IFRD1: variants seen among roughly 807,000 people sequenced by gnomAD.
IFRD1 encodes the protein interferon related developmental regulator 1, also known as interferon-related developmental regulator 1.
In IFRD1, 35 loss-of-function variants were observed where a neutral mutation model predicts 52.9. The observed-to-expected ratio is 0.66, with a 90% CI of 0.51 to 0.88. The LOEUF is 0.88. Among genes scored for constraint, IFRD1 ranks in the 40% least tolerant of loss-of-function variants. The pLI, the probability that IFRD1 is intolerant of heterozygous loss-of-function variation, is 0.00. For missense variants in IFRD1, 517 were observed against 550.8 expected (o/e 0.94, Z 0.61); for synonymous variants, 184 against 188.4 (o/e 0.98, Z 0.19).
At position 112,462,098 on chromosome 7, in the gene IFRD1, T is replaced by A; in HGVS notation, c.716T>A (p.Val239Glu). 6.2e-7 allele frequency: 1 copy of A among 1,613,680 alleles called. No homozygotes were observed. The highest frequency in any genetic ancestry group is 1.3e-5 in the African/African-American group (1 of 75,030). ...GTTATTTGCAGCACTCCTAATACAG[T>A]GCTTCATATCAGCTCTCTTCTTGCA... ...TTVICSTPNT[V>E]LHISSLLAWT... The change falls in exon 7 of 12, where the codon GTG (valine) becomes GAG (glutamate). Residue 239 changes from valine (V) to glutamate (E), a missense_variant. Coordinates refer to ENST00000403825, the MANE Select transcript of IFRD1 (RefSeq NM_001550.4).
At chr7:112,475,107 T>C (rs903898004) in intron 11 of IFRD1, among the ~76,000 whole-genome samples, 1 of 151,800 alleles carries the variant, frequency 6.6e-6, no homozygotes, top group Non-Finnish European at 1.5e-5. Flanking sequence ...TACAGGCATG[T>C]GCCACCATGC....
At chr7:112,449,836 G>T (rs910602905), upstream of IFRD1, among the ~76,000 whole-genome samples, 1 of 142,342 alleles carries the variant, frequency 7.0e-6, no homozygotes, top group Non-Finnish European at 1.5e-5. Flanking sequence ...TGGGGGGGGG[G>T]GGGGATGGGG....
chr7:112,458,837 A>G, intron 4 of IFRD1, 24 bp from the exon 5 acceptor site: 3 of 1,611,176 alleles, frequency 1.9e-6, no homozygotes, highest in Non-Finnish European at 2.5e-6. Flanking sequence ...GACTATCGTG[A>G]TTGCATCTTG....
At chr7:112,452,007 G>C (rs4730547) in intron 1 of IFRD1, 71,532 of 981,784 alleles carry the variant, frequency 0.073, 2,781 homozygotes, top group South Asian at 0.1. Context: ...TTGACCATAG[G>C]GAGGGATTCT....
chr7:112,446,852 G>T (rs903911923), upstream of IFRD1, among the ~76,000 whole-genome samples: 3 of 152,152 alleles, frequency 2.0e-5, no homozygotes. Context: ...CCAAACCTAG[G>T]TAAGGCCTGG....
chr7:112,440,233 C>A (rs1389043915), intron 1 of IFRD1, among the ~76,000 whole-genome samples: 1 of 152,154 alleles, frequency 6.6e-6, no homozygotes. Flanking sequence ...GATCTGTCTG[C>A]CTTGGCCTCC....
At chr7:112,447,365 A>T (rs549214516), upstream of IFRD1, among the ~76,000 whole-genome samples, 89 of 152,356 alleles carry the variant, frequency 5.8e-4, no homozygotes, top group South Asian at 9.9e-3. Context: ...TGTGATATTT[A>T]TTTATTAGAG....
chr7:112,474,485 T>C (rs1323108554), intron 11 of IFRD1, among the ~76,000 whole-genome samples: 1 of 152,222 alleles, frequency 6.6e-6, no homozygotes, highest in Non-Finnish European at 1.5e-5. Context: ...GGATATTTTA[T>C]CAGTTTTATA....
At chr7:112,474,203 C>T (rs945738534) in intron 11 of IFRD1, among the ~76,000 whole-genome samples, 2 of 152,168 alleles carry the variant, frequency 1.3e-5, no homozygotes, top group African/African-American at 4.8e-5. Flanking sequence ...TAGTGTTGCT[C>T]TGAACATTCA....
At chr7:112,440,545 A>C (rs1161967531) in intron 1 of IFRD1, among the ~76,000 whole-genome samples, 3 of 152,214 alleles carry the variant, frequency 2.0e-5, no homozygotes, top group Admixed American at 2.0e-4. Context: ...ATTGGTTCAC[A>C]ATAAATATCA....
intron 1 of IFRD1, among the ~76,000 whole-genome samples, chr7:112,451,869 C>T (rs1342639992): frequency 6.6e-6 from 1 of 152,140 alleles, no homozygotes; most frequent in Admixed American, 6.6e-5. Context: ...TCTGCCACGG[C>T]TGCCACTCAG....
chr7:112,455,003 A>G (rs1338604397), intron 1 of IFRD1, among the ~76,000 whole-genome samples: 1 of 151,376 alleles, frequency 6.6e-6, no homozygotes, highest in Non-Finnish European at 1.5e-5. Context: ...AGTAGCTGGG[A>G]CTATAGGCAC....
Position 112,472,341 on chromosome 7 carries a change from C to T in IFRD1, c.1164C>T (p.His388=). The change falls in exon 10 of 12, where the codon CAC becomes CAT. Residue 388 remains histidine, a synonymous_variant. Coordinates refer to ENST00000403825, the MANE Select transcript of IFRD1 (RefSeq NM_001550.4). Reference sequence around the variant, plus strand: ...TTCTTGGATCAGGGATGCAGTACCACTTGCAGGTAAGTGTCATCCTTTCTA... The same window carrying T: ...TTCTTGGATCAGGGATGCAGTACCATTTGCAGGTAAGTGTCATCCTTTCTA... ...KEVLGSGMQY[H]LQSNEFLRNV... 6.2e-7 allele frequency: 1 copy of T among 1,614,040 alleles called. No individual in the cohort carries two copies. The highest frequency in any genetic ancestry group is 1.7e-5 in the Admixed American group (1 of 60,020).
At chr7:112,451,458 C>G (rs1475735367) in intron 1 of IFRD1, among the ~76,000 whole-genome samples, 2 of 152,208 alleles carry the variant, frequency 1.3e-5, no homozygotes, top group Non-Finnish European at 2.9e-5. Context: ...GAGGCGACCT[C>G]CTGCTCACGG....
At chr7:112,438,149 T>C (rs1252071323) in intron 1 of IFRD1, among the ~76,000 whole-genome samples, 1 of 152,242 alleles carries the variant, frequency 6.6e-6, no homozygotes, top group Non-Finnish European at 1.5e-5. Context: ...TTTTATTGAA[T>C]GTCATCTTTG....
intron 3 of IFRD1, among the ~76,000 whole-genome samples, chr7:112,456,497 C>A (rs73717556): frequency 0.061 from 9,254 of 152,204 alleles, 306 homozygotes; most frequent in South Asian, 0.095. Context: ...TAGATTGTTT[C>A]TTTTCACTAT....
chr7:112,445,200 G>A (rs1245775188), intron 1 of IFRD1, among the ~76,000 whole-genome samples: 1 of 151,662 alleles, frequency 6.6e-6, no homozygotes, highest in Non-Finnish European at 1.5e-5. Flanking sequence ...CCGAGTAGCT[G>A]GGACTACAGG....
At chr7:112,457,304 G>T in intron 4 of IFRD1, 1 of 568,026 alleles carries the variant, frequency 1.8e-6, no homozygotes, top group Non-Finnish European at 3.1e-6. Flanking sequence ...AGAGGTGATG[G>T]TCATTCTCTT....
chr7:112,424,345 C>T (rs1794382611), intron 1 of IFRD1, among the ~76,000 whole-genome samples: 1 of 151,840 alleles, frequency 6.6e-6, no homozygotes, highest in South Asian at 2.1e-4. Context: ...TCTAAGTCAG[C>T]ACAGGGTCAG....
Sources: allele counts gnomAD v4.1 joint callset (sites outside exome capture counted in the v4.1 genomes callset), GRCh38; gene constraint gnomAD v4.1.1; transcripts MANE v1.5; gene names NCBI Gene and HGNC (gene_info 2026-07-23, HGNC 2026-07-21).